Variants in TM9SF4 observed in about 807,000 individuals in gnomAD.
TM9SF4 encodes transmembrane 9 superfamily member 4.
A neutral mutation model predicts 90.4 loss-of-function variants in TM9SF4; 26 were observed. The observed-to-expected ratio is 0.29, with a 90% CI of 0.21 to 0.40. The LOEUF (loss-of-function observed/expected upper bound fraction) is 0.40. Among genes scored for constraint, TM9SF4 ranks in the 10% least tolerant of loss-of-function variants. The pLI, the probability that TM9SF4 is intolerant of heterozygous loss-of-function variation, is 1.00. For synonymous variants in TM9SF4, 293 were observed against 315.4 expected, an observed-to-expected ratio of 0.93 and a Z score of 0.75; for missense variants, 549 against 834.8, an observed-to-expected ratio of 0.66 and a Z score of 4.22.
intron 1 of TM9SF4, among the ~76,000 whole-genome samples, chr20:32,122,413 G>T (rs905000515): frequency 6.6e-6 from 1 of 151,230 alleles, no homozygotes; most frequent in African/African-American, 2.4e-5. Context: ...CTCAGACGGG[G>T]GTGCTGCCGG....
intron 1 of TM9SF4, among the ~76,000 whole-genome samples, chr20:32,132,662 A>G (rs1166202628): frequency 2.0e-5 from 3 of 152,220 alleles, no homozygotes; most frequent in Non-Finnish European, 4.4e-5. Flanking sequence ...ATGGGAATTA[A>G]TTAAATGTCC....
At chr20:32,128,413 T>C (rs926689) in intron 1 of TM9SF4, among the ~76,000 whole-genome samples, 129 of 152,254 alleles carry the variant, frequency 8.5e-4, no homozygotes, top group Admixed American at 6.1e-3. Context: ...GGTTCTAGGG[T>C]AGGGCCCGTG....
chr20:32,124,158 T>C (rs1194661864), intron 1 of TM9SF4, among the ~76,000 whole-genome samples: 3 of 152,118 alleles, frequency 2.0e-5, no homozygotes, highest in Non-Finnish European at 2.9e-5. Context: ...ATGCCTGGCC[T>C]GGGTAGGTCT....
chr20:32,125,681 C>CTTTT (rs11470673), intron 1 of TM9SF4, among the ~76,000 whole-genome samples: 14 of 108,926 alleles, frequency 1.3e-4, no homozygotes, highest in Admixed American at 2.0e-4. Context: ...TCTCTTTTTT[C>CTTTT]TTTTTTTTTT....
In TM9SF4 at chr20:32,157,697, T is replaced by C. The variant is rs1184121540; in HGVS notation, c.1330-97T>C. ...GTGTGCTTCTGCTGCACAAGTCGCC[T>C]CTCCTTCTGTGGAGCCCAGAAGGTC... On this transcript the variant is annotated intron_variant, in intron 13 of 17. Coordinates refer to ENST00000398022, the MANE Select transcript of TM9SF4 (RefSeq NM_014742.4). The C allele has an allele frequency of 2.0e-6, 3 of 1,482,160 alleles. No homozygotes were observed. The Admixed American group carries it at 6.1e-5, about 30-fold the overall frequency. 91.8% of individuals were successfully genotyped at this position (1,482,160 alleles called of 1,614,324 possible).
At chr20:32,152,461 T>A (rs1421069161) in intron 12 of TM9SF4, among the ~76,000 whole-genome samples, 3 of 151,572 alleles carry the variant, frequency 2.0e-5, no homozygotes, top group Non-Finnish European at 4.4e-5. Context: ...TTCTCAGACA[T>A]CAAGTGCTAA....
chr20:32,150,796 A>G lies in TM9SF4; in HGVS notation c.1170-4A>G. The G allele has an allele frequency of 6.2e-7, 1 of 1,614,116 alleles. No homozygotes were observed. Among genetic ancestry groups the G allele is most frequent in the Non-Finnish European group, 8.5e-7 (1 of 1,179,996 alleles). ...TGGTGTGGATCCCTGCCATTTTCCC[A>G]CAGGGTGTTTGGCGGATTTTCTGCT... is the stretch of plus-strand genomic sequence containing the variant. On this transcript the variant is annotated splice_polypyrimidine_tract_variant and splice_region_variant and intron_variant, in intron 11 of 17. Transcript: ENST00000398022.
chr20:32,155,249 C>G, intron 13 of TM9SF4, 63 bp downstream of exon 13: 4 of 1,393,480 alleles, frequency 2.9e-6, no homozygotes, highest in Non-Finnish European at 4.1e-6. Flanking sequence ...GCACTCAGCC[C>G]TACTCCCAAA....
chr20:32,147,929 A>G (rs528311740), intron 9 of TM9SF4, among the ~76,000 whole-genome samples: 5 of 151,930 alleles, frequency 3.3e-5, no homozygotes, highest in South Asian at 2.1e-4. Flanking sequence ...CCTGACCAAC[A>G]TGGTGAAAAC....
chr20:32,151,829 G>A (rs2046845863), intron 12 of TM9SF4, among the ~76,000 whole-genome samples: 1 of 150,984 alleles, frequency 6.6e-6, no homozygotes, highest in Non-Finnish European at 1.5e-5. Context: ...TTACAGGCAT[G>A]TGCCACCATG....
At position 32,141,590 on chromosome 20, in the gene TM9SF4, A is replaced by G. The variant is rs140039593; in HGVS notation, c.323A>G (p.Asn108Ser). 7.4e-6 allele frequency: 12 copies of G among 1,614,042 alleles called. No homozygotes were observed. The highest frequency in any genetic ancestry group is 4.0e-5 in the African/African-American group (3 of 74,910). The stretch of plus-strand genomic sequence containing the variant: ...TGTGAAGTTCTGTGCAGCCAGTCCA[A>G]CAAGCCAGTGACCCTGACAGTGGAG... ...KKCEVLCSQS[N>S]KPVTLTVEQS... The change falls in exon 4 of 18, where the codon AAC (asparagine) becomes AGC (serine). Residue 108 changes from asparagine to serine, a missense_variant. Physicochemically the swap from Asn to Ser is conservative, Grantham distance 46. Around this residue, in one of 2 missense-constraint regions of TM9SF4, gnomAD observed 495 missense variants for 711.7 expected, o/e 0.70. Transcript: ENST00000398022.
intron 9 of TM9SF4, among the ~76,000 whole-genome samples, chr20:32,147,581 G>T (rs866966724): frequency 6.6e-6 from 1 of 152,148 alleles, no homozygotes; most frequent in Non-Finnish European, 1.5e-5. Context: ...GGCTGGGCAC[G>T]GTGGCTCACA....
chr20:32,123,254 A>G (rs1364415804), intron 1 of TM9SF4, among the ~76,000 whole-genome samples: 1 of 124,830 alleles, frequency 8.0e-6, no homozygotes, highest in Non-Finnish European at 1.6e-5. Flanking sequence ...TTTTTTTTCT[A>G]CGTAATAGCT....
At chr20:32,152,028 A>ATT (rs764612840) in intron 12 of TM9SF4, among the ~76,000 whole-genome samples, 2 of 139,566 alleles carry the variant, frequency 1.4e-5, no homozygotes, top group Non-Finnish European at 3.1e-5. Context: ...CACCTGGCTA[A>ATT]TTTTTTTTTT....
chr20:32,154,492 C>T (rs535907269), intron 12 of TM9SF4, among the ~76,000 whole-genome samples: 49 of 148,894 alleles, frequency 3.3e-4, no homozygotes, highest in Non-Finnish European at 6.1e-4. Flanking sequence ...CTCGCTCTGT[C>T]GCGCAGGCTG....
chr20:32,110,004 C>T (rs2046117043), intron 1 of TM9SF4: 2 of 1,406,326 alleles, frequency 1.4e-6, no homozygotes, highest in East Asian at 2.6e-5. Flanking sequence ...CTGCTGCCTT[C>T]GCCGGTTCCC....
At chr20:32,157,716 G>A (rs1395389465) in intron 13 of TM9SF4, 78 bp from the exon 14 acceptor site, 4 of 1,551,976 alleles carry the variant, frequency 2.6e-6, no homozygotes, top group Non-Finnish European at 3.5e-6. Context: ...GTGGAGCCCA[G>A]AAGGTCCCCT....
chr20:32,111,418 C>G lies in TM9SF4; in HGVS notation c.15+1663C>G, dbSNP rs189160080. Among the ~76,000 whole-genome samples, 17 of 152,304 alleles carry G rather than the reference C, an allele frequency of 1.1e-4. No homozygotes were observed. The East Asian group carries it at 3.3e-3, about 29-fold the overall frequency. On this transcript the variant is annotated intron_variant, in intron 1 of 17. Transcript: ENST00000398022. ...TCAGAGATTTTTAAGAGGTTATAAGCTAGCAATACATATATGTGGTACACA... is the reference window on the plus strand; with the variant it reads ...TCAGAGATTTTTAAGAGGTTATAAGGTAGCAATACATATATGTGGTACACA...
At chr20:32,120,200 G>A (rs968992342) in intron 1 of TM9SF4, among the ~76,000 whole-genome samples, 1 of 152,086 alleles carries the variant, frequency 6.6e-6, no homozygotes, top group Non-Finnish European at 1.5e-5. Flanking sequence ...ATTTTGATAA[G>A]GATTGCATTG....
Sources: allele counts gnomAD v4.1 joint callset (sites outside exome capture counted in the v4.1 genomes callset), GRCh38; gene constraint gnomAD v4.1.1; regional missense constraint gnomAD v4.1.1; transcripts MANE v1.5; gene names NCBI Gene and HGNC (gene_info 2026-07-23, HGNC 2026-07-21).